The following NKAIN2 variants were observed in gnomAD, a reference collection of about 807,000 sequenced individuals.
NKAIN2 encodes the protein sodium/potassium transporting ATPase interacting 2.
A neutral mutation model predicts 32.6 loss-of-function variants in NKAIN2; 14 were observed. That is an observed-to-expected ratio of 0.43 (90% CI 0.28 to 0.67). The LOEUF (loss-of-function observed/expected upper bound fraction) is 0.67. Among genes scored for constraint, NKAIN2 ranks in the 30% least tolerant of loss-of-function variants. The probability of loss-of-function intolerance (pLI) is 0.17; values close to 1 mark genes in which losing one functional copy is unlikely to be tolerated. For missense variants in NKAIN2, 198 were observed against 258.3 expected (o/e 0.77, Z 1.60); for synonymous variants, 80 against 87.2 (o/e 0.92, Z 0.46).
rs139538652 is a variant in NKAIN2 at position 124,021,025 on chromosome 6, C to T, written c.54+216771C>T. ...ATAACCATCACTCCTCATTCATTTA[C>T]TCTCACAAATATTTACTGAACACTT... On this transcript the variant is annotated intron_variant, in intron 1 of 6. Transcript: ENST00000368417. Among the ~76,000 whole-genome samples the T allele has an allele frequency of 2.4e-4, 36 of 152,170 alleles. 1 individual carries two copies. Among genetic ancestry groups the T allele is most frequent in the African/African-American group, 8.4e-4 (35 of 41,566 alleles).
In NKAIN2 at chr6:124,268,449, C is replaced by T. The variant is rs115518960; in HGVS notation, c.55-14556C>T. On this transcript the variant is annotated intron_variant, in intron 1 of 6. Transcript: ENST00000368417. ...ACAATGTCTTAACTTTTTGCCATTGCCAATAGAAGGAAAGTCGTTAGGAGA... is the reference window on the plus strand; with the variant it reads ...ACAATGTCTTAACTTTTTGCCATTGTCAATAGAAGGAAAGTCGTTAGGAGA... Among the ~76,000 whole-genome samples, 267 of 152,000 alleles carry T rather than the reference C, an allele frequency of 1.8e-3. 2 individuals carry two copies. The highest frequency in any genetic ancestry group is 6.3e-3 in the African/African-American group (263 of 41,458).
chr6:123,851,281 G>C (rs1180108536), intron 1 of NKAIN2, among the ~76,000 whole-genome samples: 2 of 121,626 alleles, frequency 1.6e-5, no homozygotes, highest in Non-Finnish European at 3.2e-5. Flanking sequence ...ACAGAGTCTG[G>C]CTCTGTCTCT....
At chr6:124,621,433 G>A (rs1393693788) in intron 3 of NKAIN2, among the ~76,000 whole-genome samples, 1 of 152,106 alleles carries the variant, frequency 6.6e-6, no homozygotes, top group East Asian at 1.9e-4. Flanking sequence ...TCCTACTCTT[G>A]GTTTCAACAT....
chr6:124,657,986 A>G (rs545727256), intron 3 of NKAIN2, among the ~76,000 whole-genome samples, 200 bp from the exon 4 acceptor site: 178 of 152,050 alleles, frequency 1.2e-3, no homozygotes, highest in Non-Finnish European at 2.1e-3. Flanking sequence ...GTCAGGAAAA[A>G]CCTTCATAAG....
chr6:123,966,322 C>T (rs1226796897), intron 1 of NKAIN2, among the ~76,000 whole-genome samples: 3 of 152,168 alleles, frequency 2.0e-5, no homozygotes, highest in African/African-American at 7.2e-5. Context: ...CAATCATCCT[C>T]AGAAGATACG....
intron 1 of NKAIN2, among the ~76,000 whole-genome samples, chr6:123,982,737 A>G (rs1049755972): frequency 2.6e-5 from 4 of 152,202 alleles, no homozygotes; most frequent in African/African-American, 9.6e-5. Context: ...ATTTGATAGC[A>G]AGATAACAAT....
At chr6:124,653,557 G>T (rs1005881974) in intron 3 of NKAIN2, among the ~76,000 whole-genome samples, 3 of 148,070 alleles carry the variant, frequency 2.0e-5, no homozygotes, top group African/African-American at 7.5e-5. Flanking sequence ...AAAACTCCTA[G>T]AAAATGACAC....
intron 3 of NKAIN2, among the ~76,000 whole-genome samples, chr6:124,643,783 G>T (rs1021560375): frequency 6.6e-6 from 1 of 152,060 alleles, no homozygotes; most frequent in Non-Finnish European, 1.5e-5. Flanking sequence ...TATTCTAAAA[G>T]AAGAAGGTAA....
At position 124,127,299 on chromosome 6, in the gene NKAIN2, C is replaced by T. The variant is rs148618474; in HGVS notation, c.55-155706C>T. On this transcript the variant is annotated intron_variant, in intron 1 of 6. Coordinates refer to ENST00000368417, the MANE Select transcript of NKAIN2 (RefSeq NM_001040214.3). ...ACGTACAAATGAGCTGGTATAGTCA[C>T]GGTTCAGAGGGGAAGACTGACTACC... is the stretch of plus-strand genomic sequence containing the variant. Among the ~76,000 whole-genome samples the T allele has an allele frequency of 1.3e-3, 201 of 152,122 alleles. 1 individual carries two copies. Among genetic ancestry groups the T allele is most frequent in the African/African-American group, 4.4e-3 (183 of 41,524 alleles).
chr6:124,476,031 TGAGA>T (rs1044710189), intron 3 of NKAIN2, among the ~76,000 whole-genome samples: 21 of 149,092 alleles, frequency 1.4e-4, no homozygotes, highest in Admixed American at 8.2e-4. Context: ...TGTGTGTGTG[TGAGA>T]GAGTGTGTGT....
intron 1 of NKAIN2, among the ~76,000 whole-genome samples, chr6:124,272,480 C>T (rs1011513120): frequency 1.3e-5 from 2 of 152,160 alleles, no homozygotes; most frequent in African/African-American, 4.8e-5. Flanking sequence ...GAAACTGTGC[C>T]TCAATTTCAG....
intron 4 of NKAIN2, among the ~76,000 whole-genome samples, chr6:124,766,188 T>C (rs1778506425): frequency 6.6e-6 from 1 of 152,232 alleles, no homozygotes; most frequent in African/African-American, 2.4e-5. Context: ...CATGAGGAGA[T>C]GCCTGCAAAC....
chr6:124,783,829 G>A (rs1265865704), intron 4 of NKAIN2, among the ~76,000 whole-genome samples: 1 of 152,178 alleles, frequency 6.6e-6, no homozygotes, highest in Non-Finnish European at 1.5e-5. Context: ...ATTATACTTT[G>A]TGTGTGCATA....
intron 3 of NKAIN2, among the ~76,000 whole-genome samples, chr6:124,431,820 T>C (rs2114566654): frequency 1.3e-5 from 2 of 152,226 alleles, no homozygotes; most frequent in Middle Eastern, 3.4e-3. Flanking sequence ...ACATAACACA[T>C]AGGAAACTCC....
At chr6:124,231,084 C>G (rs1792429227) in intron 1 of NKAIN2, among the ~76,000 whole-genome samples, 1 of 152,238 alleles carries the variant, frequency 6.6e-6, no homozygotes. Flanking sequence ...ACCGTGGGAA[C>G]CCACCTCTTG....
intron 1 of NKAIN2, among the ~76,000 whole-genome samples, chr6:124,138,826 T>A (rs577703743): frequency 6.4e-4 from 97 of 150,506 alleles, no homozygotes; most frequent in African/African-American, 2.3e-3. Flanking sequence ...AACTCAGGAA[T>A]GGAAATCCAA....
chr6:124,696,067 A>G (rs1193501596), intron 4 of NKAIN2, among the ~76,000 whole-genome samples: 1 of 152,148 alleles, frequency 6.6e-6, no homozygotes, highest in African/African-American at 2.4e-5. Flanking sequence ...GTCTGTTCAG[A>G]TTCTTCTTGG....
chr6:124,058,405 C>G (rs1386096848), intron 1 of NKAIN2, among the ~76,000 whole-genome samples: 1 of 151,944 alleles, frequency 6.6e-6, no homozygotes, highest in Non-Finnish European at 1.5e-5. Context: ...GATTATTTAG[C>G]AATGAGTCTA....
At chr6:123,834,735 TC>T (rs1010901208) in intron 1 of NKAIN2, among the ~76,000 whole-genome samples, 11 of 152,168 alleles carry the variant, frequency 7.2e-5, no homozygotes, top group African/African-American at 2.2e-4. Flanking sequence ...AAGTTGAGGT[TC>T]CCCACTATAC....
Sources: allele counts gnomAD v4.1 joint callset (sites outside exome capture counted in the v4.1 genomes callset), GRCh38; gene constraint gnomAD v4.1.1; transcripts MANE v1.5; gene names NCBI Gene and HGNC (gene_info 2026-07-23, HGNC 2026-07-21).